The following SULT1B1 variants were observed in gnomAD, a reference collection of about 807,000 sequenced individuals.
The protein encoded by SULT1B1 is sulfotransferase family 1B member 1.
SULT1B1 carries 28 observed loss-of-function variants against 34.6 expected under a neutral mutation model. The observed-to-expected ratio is 0.81, with a 90% CI of 0.60 to 1.11. The LOEUF (loss-of-function observed/expected upper bound fraction) is 1.11. SULT1B1 is among the 50% of genes least tolerant of loss of function. SULT1B1 has a pLI of 0.00. For missense variants in SULT1B1, 374 were observed against 352.2 expected (o/e 1.06, Z -0.50); for synonymous variants, 147 against 110.2 (o/e 1.33, Z -2.09).
In SULT1B1 at chr4:69,730,541, A is replaced by G. The variant is rs199955484; in HGVS notation, c.738T>C (p.Thr246=). ...GGGATTTGCTATGATCCATCACTGT[A>G]GTTGGTAGATGTGTATAATTTACCA... is the stretch of plus-strand genomic sequence containing the variant. The part of the protein sequence containing the change: ...NPLVNYTHLP[T]TVMDHSKSPF... The change falls in exon 7 of 8, where the codon ACT becomes ACC. Residue 246 remains threonine (T), a synonymous_variant. Coordinates refer to ENST00000310613, the MANE Select transcript of SULT1B1 (RefSeq NM_014465.4). 193 of 1,611,594 alleles carry G rather than the reference A, an allele frequency of 1.2e-4. No individual in the cohort carries two copies. The East Asian group carries it at 4.2e-3, about 35-fold the overall frequency.
intron 6 of SULT1B1, among the ~76,000 whole-genome samples, chr4:69,733,111 A>G (rs991027964): frequency 2.0e-5 from 3 of 152,156 alleles, no homozygotes; most frequent in Non-Finnish European, 2.9e-5. Flanking sequence ...TAAAATATTA[A>G]TGAGTAGATA....
In SULT1B1 at chr4:69,755,067, C is replaced by CA; in HGVS notation, c.148+2dup. 6.2e-7 allele frequency: 1 copy of CA among 1,609,752 alleles called. No homozygotes were observed. Among genetic ancestry groups the CA allele is most frequent in the Non-Finnish European group, 8.5e-7 (1 of 1,176,436 alleles). On this transcript the variant is annotated splice_region_variant and intron_variant, in intron 2 of 7. Coordinates refer to ENST00000310613, the MANE Select transcript of SULT1B1 (RefSeq NM_014465.4). Reference sequence around the variant, plus strand: ...CTTGAATTTGTCAGGCCACAGAACTCACCTGATTTAGGATAAGTGGCTATC... The same window carrying CA: ...CTTGAATTTGTCAGGCCACAGAACTCAACCTGATTTAGGATAAGTGGCTATC...
At position 69,726,274 on chromosome 4, in the gene SULT1B1, C is replaced by A. The variant is rs1034235376; in HGVS notation, c.*814G>T. On this transcript the variant is annotated 3_prime_UTR_variant, in exon 8 of 8. Coordinates refer to ENST00000310613, the MANE Select transcript of SULT1B1 (RefSeq NM_014465.4). ...GATATTAAAGGTGCTATTAAGGTAT[C>A]CAAATCTATCCAAATATAAGATTAA... The A allele has an allele frequency of 6.6e-6, 1 of 151,018 alleles. No individual in the cohort carries two copies. Among genetic ancestry groups the A allele is most frequent in the Middle Eastern group, 3.4e-3 (1 of 292 alleles). 9.4% of individuals were successfully genotyped at this position (151,018 alleles called of 1,614,324 possible). A position where few individuals can be genotyped will look rare whatever the true frequency, so the allele number is the denominator to read the frequency against.
At chr4:69,742,823 G>A (rs1560526170) in intron 4 of SULT1B1, among the ~76,000 whole-genome samples, 1 of 152,226 alleles carries the variant, frequency 6.6e-6, no homozygotes. Context: ...ATTGCGCAGA[G>A]CCCGGCCTGC....
At chr4:69,727,285 G>GT in intron 7 of SULT1B1, 85 bp from the exon 8 acceptor site, 2 of 960,858 alleles carry the variant, frequency 2.1e-6, no homozygotes, top group Non-Finnish European at 2.9e-6. Context: ...AGATTAGAAG[G>GT]CCTAAAGAAA....
intron 3 of SULT1B1, 136 bp downstream of exon 3, chr4:69,754,534 C>T: frequency 4.0e-6 from 3 of 752,652 alleles, no homozygotes; most frequent in Non-Finnish European, 6.2e-6. Flanking sequence ...TCTTATTCTT[C>T]AGTTTTATAT....
chr4:69,759,145 A>T (rs1019673013), intron 1 of SULT1B1, among the ~76,000 whole-genome samples: 1 of 152,226 alleles, frequency 6.6e-6, no homozygotes, highest in Non-Finnish European at 1.5e-5. Flanking sequence ...TATGATCTCT[A>T]ATCATTACCT....
chr4:69,750,750 T>C (rs1046641116), intron 3 of SULT1B1, among the ~76,000 whole-genome samples: 2 of 152,228 alleles, frequency 1.3e-5, no homozygotes, highest in African/African-American at 4.8e-5. Flanking sequence ...GCTTACTGTA[T>C]GTCCCCATGT....
rs1717826512 is a variant in SULT1B1 at position 69,726,054 on chromosome 4, A to ATATATATG, written c.*1033_*1034insCATATATA. The ATATATATG allele has an allele frequency of 1.2e-5, 1 of 86,504 alleles. No individual in the cohort carries two copies. Among genetic ancestry groups the ATATATATG allele is most frequent in the Admixed American group, 1.1e-4 (1 of 9,268 alleles). The allele number at this position is 86,504 out of a possible 1,614,324, so 5.4% of individuals were successfully genotyped here. A position where few individuals can be genotyped will look rare whatever the true frequency, so the allele number is the denominator to read the frequency against. Reference sequence around the variant, plus strand: ...TGTACATATATATATATATATATATATATATATATATATATATATATATAT... The same window carrying ATATATATG: ...TGTACATATATATATATATATATATATATATATGTATATATATATATATATATATATAT... On this transcript the variant is annotated 3_prime_UTR_variant, in exon 8 of 8. Transcript: ENST00000310613.
chr4:69,759,540 C>T (rs1300216013), intron 1 of SULT1B1, among the ~76,000 whole-genome samples: 4 of 152,102 alleles, frequency 2.6e-5, no homozygotes, highest in African/African-American at 7.2e-5. Context: ...TGGGTGTGTC[C>T]AATTCAGGAA....
intron 3 of SULT1B1, among the ~76,000 whole-genome samples, chr4:69,753,415 C>A (rs1719057678): frequency 6.6e-6 from 1 of 152,152 alleles, no homozygotes; most frequent in South Asian, 2.1e-4. Flanking sequence ...AACAAAAACT[C>A]TATATAATTT....
At chr4:69,749,132 G>T (rs770629053) in intron 4 of SULT1B1, among the ~76,000 whole-genome samples, 1 of 151,382 alleles carries the variant, frequency 6.6e-6, no homozygotes, top group Non-Finnish European at 1.5e-5. Context: ...GAAGGAGAAG[G>T]CACAAATAAC....
Position 69,721,408 on chromosome 4 carries a change from G to C in SULT1B1, c.*5680C>G, listed in dbSNP as rs968240061. On this transcript the variant is annotated 3_prime_UTR_variant, in exon 8 of 8. Coordinates refer to ENST00000310613, the MANE Select transcript of SULT1B1 (RefSeq NM_014465.4). ...GGCCTTTCCCAGTTATCTGAAGATT[G>C]CTGCACAAAATAATTGTTTTCCCAT... 1 of 152,022 alleles carries C rather than the reference G, an allele frequency of 6.6e-6. No homozygotes were observed. The highest frequency in any genetic ancestry group is 1.5e-5 in the Non-Finnish European group (1 of 67,982). The allele number at this position is 152,022 out of a possible 1,614,324, so 9.4% of individuals were successfully genotyped here.
intron 4 of SULT1B1, among the ~76,000 whole-genome samples, chr4:69,741,096 T>A (rs563934802): frequency 7.2e-5 from 11 of 152,232 alleles, no homozygotes; most frequent in Non-Finnish European, 1.5e-4. Flanking sequence ...TTCAATTTTC[T>A]TCATCCTACT....
At chr4:69,739,001 G>C (rs1718431240) in intron 4 of SULT1B1, among the ~76,000 whole-genome samples, 1 of 152,218 alleles carries the variant, frequency 6.6e-6, no homozygotes, top group Non-Finnish European at 1.5e-5. Context: ...CTCACATCCA[G>C]ATTAGGCTGA....
intron 4 of SULT1B1, among the ~76,000 whole-genome samples, chr4:69,747,097 A>T (rs1301304628): frequency 6.6e-6 from 1 of 152,158 alleles, no homozygotes; most frequent in East Asian, 1.9e-4. Context: ...TTCCCAATCT[A>T]CTGGCAACAA....
chr4:69,740,972 T>G (rs7670466), intron 4 of SULT1B1, among the ~76,000 whole-genome samples: 44,778 of 152,026 alleles, frequency 0.29, 7,688 homozygotes, highest in South Asian at 0.45. Flanking sequence ...AAAGCCTATA[T>G]CGAGAATGAT....
chr4:69,758,429 A>G lies in SULT1B1; in HGVS notation c.-45+2030T>C, dbSNP rs1185451099. On this transcript the variant is annotated intron_variant, in intron 1 of 7. Transcript: ENST00000310613. ...TTGATTTCCACATGATGAATGAAAT[A>G]GCTCTTTCTGAAACATTTTATTTTA... 8 of 985,206 alleles carry G rather than the reference A, an allele frequency of 8.1e-6. No individual in the cohort carries two copies. In the East Asian group the frequency reaches 6.8e-4, roughly 84 times the overall value. The allele number at this position is 985,206 out of a possible 1,614,324, so 61.0% of individuals were successfully genotyped here. A position where few individuals can be genotyped will look rare whatever the true frequency, so the allele number is the denominator to read the frequency against.
chr4:69,759,067 A>T (rs1719297723), intron 1 of SULT1B1, among the ~76,000 whole-genome samples: 1 of 152,232 alleles, frequency 6.6e-6, no homozygotes, highest in Non-Finnish European at 1.5e-5. Context: ...ACAGGGTGTA[A>T]GTAAATGATT....
Sources: allele counts gnomAD v4.1 joint callset (sites outside exome capture counted in the v4.1 genomes callset), GRCh38; gene constraint gnomAD v4.1.1; transcripts MANE v1.5; gene names NCBI Gene and HGNC (gene_info 2026-07-23, HGNC 2026-07-21).